CCL1: variants seen among roughly 807,000 people sequenced by gnomAD.
The protein encoded by CCL1 is C-C motif chemokine ligand 1.
A neutral mutation model predicts 7.5 loss-of-function variants in CCL1; 9 were observed. The ratio of observed to expected loss-of-function variants is 1.20; its 90% CI spans 0.72 to 2.09. CCL1 has a LOEUF of 2.09. Ranked by LOEUF, CCL1 falls within the 30% of genes most tolerant of loss-of-function variation. The probability of loss-of-function intolerance (pLI) is 0.00; values close to 1 mark genes in which losing one functional copy is unlikely to be tolerated. For missense variants in CCL1, 110 were observed against 113.7 expected (o/e 0.97, Z 0.15); for synonymous variants, 48 against 44.7 (o/e 1.07, Z -0.30).
Position 34,360,617 on chromosome 17 carries a change from A to T in CCL1, c.233T>A (p.Val78Asp). 1 of 1,613,632 alleles carries T rather than the reference A, an allele frequency of 6.2e-7. No individual in the cohort carries two copies. The highest frequency in any genetic ancestry group is 8.5e-7 in the Non-Finnish European group (1 of 1,179,950). Residue 78 changes from valine (V) to aspartate (D), a missense_variant, in exon 3 of 3, where the codon GTT becomes GAT. Physicochemically the swap from Val to Asp is radical, Grantham distance 152 (BLOSUM62 -3). Transcript: ENST00000225842. The stretch of plus-strand genomic sequence containing the variant: ...TTTTCTGTGCCTCTGAACCCATCCA[A>T]CTGTGTCCAAGGCGCAGGCCTCTTT... ...RGKEACALDT[V>D]GWVQRHRKML...
At chr17:34,362,926 C>T (rs886236493) in intron 1 of CCL1, among the ~76,000 whole-genome samples, 160 bp downstream of exon 1, 3 of 152,144 alleles carry the variant, frequency 2.0e-5, no homozygotes, top group Admixed American at 6.5e-5. Context: ...TCCTACTAGC[C>T]CTCACCCCAG....
intron 1 of CCL1, among the ~76,000 whole-genome samples, chr17:34,362,298 G>T (rs1331264601): frequency 6.6e-6 from 1 of 152,158 alleles, no homozygotes; most frequent in East Asian, 1.9e-4. Flanking sequence ...TGGGGACCTG[G>T]TTAGTCTGAT....
chr17:34,360,540 A>T lies in CCL1; in HGVS notation c.*19T>A. ...TGAAGCCATGTGGTTTCCAGAGCCC[A>T]CAATGGAAAGAAATCTGCTCATTTT... On this transcript the variant is annotated 3_prime_UTR_variant, in exon 3 of 3. Coordinates refer to ENST00000225842, the MANE Select transcript of CCL1 (RefSeq NM_002981.2). 6.3e-7 allele frequency: 1 copy of T among 1,591,994 alleles called. No homozygotes were observed. Among genetic ancestry groups the T allele is most frequent in the Admixed American group, 1.7e-5 (1 of 59,994 alleles).
At chr17:34,361,757 G>C in intron 2 of CCL1, 28 bp downstream of exon 2, 2 of 1,407,422 alleles carry the variant, frequency 1.4e-6, no homozygotes, top group South Asian at 2.3e-5. Context: ...CTGTTCTCTA[G>C]GGAGAGATTG....
Position 34,360,610 on chromosome 17 carries a change from C to G in CCL1, c.240G>C (p.Trp80Cys), listed in dbSNP as rs1035548006. The change falls in exon 3 of 3, where the codon TGG (tryptophan) becomes TGC (cysteine). Residue 80 changes from tryptophan (W) to cysteine (C), a missense_variant. By Grantham distance (215) the Trp-to-Cys change is radical. Transcript: ENST00000225842. Reference sequence around the variant, plus strand: ...TCAGCATTTTTCTGTGCCTCTGAACCCATCCAACTGTGTCCAAGGCGCAGG... The same window carrying G: ...TCAGCATTTTTCTGTGCCTCTGAACGCATCCAACTGTGTCCAAGGCGCAGG... ...KEACALDTVG[W>C]VQRHRKMLRH... The G allele has an allele frequency of 6.2e-7, 1 of 1,613,702 alleles. No homozygotes were observed. Among genetic ancestry groups the G allele is most frequent in the Non-Finnish European group, 8.5e-7 (1 of 1,179,948 alleles).
chr17:34,361,903 G>T lies in CCL1; in HGVS notation c.77-7C>A. On this transcript the variant is annotated splice_polypyrimidine_tract_variant and splice_region_variant and intron_variant, in intron 1 of 2. Coordinates refer to ENST00000225842, the MANE Select transcript of CCL1 (RefSeq NM_002981.2). ...CTGGAGAAGGGTACCTGCACTAGAAGAGGAACACAGACGATGGTTTGCATC... is the reference window on the plus strand; with the variant it reads ...CTGGAGAAGGGTACCTGCACTAGAATAGGAACACAGACGATGGTTTGCATC... The T allele has an allele frequency of 3.2e-6, 5 of 1,558,152 alleles. 1 individual carries two copies. In the South Asian group the frequency reaches 5.6e-5, roughly 17 times the overall value.
chr17:34,362,979 G>A lies in CCL1; in HGVS notation c.76+107C>T, dbSNP rs1195452660. The A allele has an allele frequency of 1.1e-5, 11 of 958,982 alleles. No individual in the cohort carries two copies. In the East Asian group the frequency reaches 2.7e-4, roughly 24 times the overall value. 59.4% of individuals were successfully genotyped at this position (958,982 alleles called of 1,614,324 possible). A position where few individuals can be genotyped will look rare whatever the true frequency, so the allele number is the denominator to read the frequency against. On this transcript the variant is annotated intron_variant, in intron 1 of 2. Coordinates refer to ENST00000225842, the MANE Select transcript of CCL1 (RefSeq NM_002981.2). Reference sequence around the variant, plus strand: ...TTCCTCCTCTTTAGGTAGGAAGAGGGGAGATAGAGTTGGTGAGTTCAAGGA... The same window carrying A: ...TTCCTCCTCTTTAGGTAGGAAGAGGAGAGATAGAGTTGGTGAGTTCAAGGA...
intron 1 of CCL1, among the ~76,000 whole-genome samples, chr17:34,362,430 C>T (rs1022726407): frequency 2.0e-5 from 3 of 152,136 alleles, no homozygotes; most frequent in Non-Finnish European, 4.4e-5. Context: ...CTGCCCTACT[C>T]AGTCTCTTGA....
intron 2 of CCL1, among the ~76,000 whole-genome samples, 192 bp downstream of exon 2, chr17:34,361,593 C>T (rs1022397521): frequency 2.0e-5 from 3 of 152,250 alleles, no homozygotes; most frequent in Non-Finnish European, 4.4e-5. Flanking sequence ...AGCACAGATG[C>T]ATCCTTCCTC....
Position 34,360,493 on chromosome 17 carries a change from G to A in CCL1, c.*66C>T, listed in dbSNP as rs913277054. 10 of 1,189,472 alleles carry A rather than the reference G, an allele frequency of 8.4e-6. No individual in the cohort carries two copies. In the South Asian group the frequency reaches 1.2e-4, roughly 14 times the overall value. The allele number at this position is 1,189,472 out of a possible 1,614,324, so 73.7% of individuals were successfully genotyped here. On this transcript the variant is annotated 3_prime_UTR_variant, in exon 3 of 3. Transcript: ENST00000225842. Reference sequence around the variant, plus strand: ...AAGCAGGGCAGAAGGAATGGTGTAGGGCTGGTAGTTTCGGGGACAGGTGAA... The same window carrying A: ...AAGCAGGGCAGAAGGAATGGTGTAGAGCTGGTAGTTTCGGGGACAGGTGAA...
chr17:34,363,171 T>G lies in CCL1; in HGVS notation c.-10A>C, dbSNP rs144578828. 382 of 1,613,664 alleles carry G rather than the reference T, an allele frequency of 2.4e-4. 2 individuals are homozygous for G. In the Middle Eastern group the frequency reaches 4.3e-3, roughly 18 times the overall value. ...TGGTGATGATCTGCATGTCTTCTGG[T>G]CTGGCTTGGGCCTTCCTGGAGCAGC... On this transcript the variant is annotated 5_prime_UTR_variant, in exon 1 of 3. Coordinates refer to ENST00000225842, the MANE Select transcript of CCL1 (RefSeq NM_002981.2).
rs748208530 is a variant in CCL1 at position 34,360,638 on chromosome 17, T to C, written c.212A>G (p.Glu71Gly). ...TCCAACTGTGTCCAAGGCGCAGGCC[T>C]CTTTGCCTCTCTTCAGCTTGAATCT... ...GLIFKLKRGK[E>G]ACALDTVGWV... The change falls in exon 3 of 3, where the codon GAG becomes GGG. Residue 71 changes from glutamate to glycine, a missense_variant. Transcript: ENST00000225842. 6.2e-6 allele frequency: 10 copies of C among 1,613,216 alleles called. 1 individual carries two copies. In the South Asian group the frequency reaches 1.1e-4, roughly 18 times the overall value.
chr17:34,360,511 C>T lies in CCL1; in HGVS notation c.*48G>A. The T allele has an allele frequency of 1.4e-6, 2 of 1,392,818 alleles. No individual in the cohort carries two copies. Among genetic ancestry groups the T allele is most frequent in the South Asian group, 1.2e-5 (1 of 86,804 alleles). 86.3% of individuals were successfully genotyped at this position (1,392,818 alleles called of 1,614,324 possible). A position where few individuals can be genotyped will look rare whatever the true frequency, so the allele number is the denominator to read the frequency against. On this transcript the variant is annotated 3_prime_UTR_variant, in exon 3 of 3. Coordinates refer to ENST00000225842, the MANE Select transcript of CCL1 (RefSeq NM_002981.2). ...GGTGTAGGGCTGGTAGTTTCGGGGA[C>T]AGGTGAAGCCATGTGGTTTCCAGAG...
At chr17:34,361,980 A>T (rs1910519724) in intron 1 of CCL1, 84 bp from the exon 2 acceptor site, 1 of 900,154 alleles carries the variant, frequency 1.1e-6, no homozygotes, top group Non-Finnish European at 1.8e-6. Context: ...AAACAAAAAA[A>T]CGCCTCCCAG....
At chr17:34,362,477 C>A (rs192327735) in intron 1 of CCL1, among the ~76,000 whole-genome samples, 2 of 151,978 alleles carry the variant, frequency 1.3e-5, no homozygotes, top group South Asian at 4.2e-4. Context: ...CTTTCCCAGC[C>A]CCCAACCCCC....
intron 1 of CCL1, 99 bp from the exon 2 acceptor site, chr17:34,361,995 A>G: frequency 1.3e-6 from 1 of 748,024 alleles, no homozygotes; most frequent in Non-Finnish European, 2.3e-6. Context: ...TCCCAGGACA[A>G]GCCCTGGCTT....
chr17:34,361,722 C>G (rs1910511217), intron 2 of CCL1, 63 bp downstream of exon 2: 7 of 1,103,190 alleles, frequency 6.3e-6, no homozygotes, highest in Non-Finnish European at 9.7e-6. Context: ...AGTGTCTACT[C>G]TTGTAATTCC....
chr17:34,361,522 C>T (rs1198314465), intron 2 of CCL1, among the ~76,000 whole-genome samples: 1 of 152,202 alleles, frequency 6.6e-6, no homozygotes, highest in African/African-American at 2.4e-5. Context: ...CCTCTGAGCT[C>T]ATAATGCTGG....
intron 2 of CCL1, among the ~76,000 whole-genome samples, 166 bp from the exon 3 acceptor site, chr17:34,360,827 G>A (rs189443519): frequency 1.1e-3 from 173 of 152,208 alleles, no homozygotes; most frequent in African/African-American, 3.9e-3. Flanking sequence ...TGGTTTGCAC[G>A]CTGGGGAACA....
Sources: allele counts gnomAD v4.1 joint callset (sites outside exome capture counted in the v4.1 genomes callset), GRCh38; gene constraint gnomAD v4.1.1; transcripts MANE v1.5; gene names NCBI Gene and HGNC (gene_info 2026-07-23, HGNC 2026-07-21).